The following ATAD2B variants were observed in gnomAD, a reference collection of about 807,000 sequenced individuals.
The protein encoded by ATAD2B is ATPase family AAA domain-containing protein 2B.
ATAD2B carries 40 observed loss-of-function variants against 167.6 expected under a neutral mutation model. The observed-to-expected ratio is 0.24, with a 90% confidence interval of 0.19 to 0.31. The LOEUF (loss-of-function observed/expected upper bound fraction) is 0.31, where lower values mean the gene tolerates loss of function less well. Among genes scored for constraint, ATAD2B ranks in the 10% least tolerant of loss-of-function variants. The pLI, the probability that ATAD2B is intolerant of heterozygous loss-of-function variation, is 1.00. For synonymous variants in ATAD2B, 579 were observed against 596.5 expected (o/e 0.97, Z 0.43); for missense variants, 1,242 against 1,757.2 (o/e 0.71, Z 5.24).
chr2:23,722,360 TTCA>T, the ATAD2B span, among the ~76,000 whole-genome samples: 1 of 152,076 alleles, frequency 6.6e-6, no homozygotes, highest in South Asian at 2.1e-4. Flanking sequence ...AGAAAAACAA[TTCA>T]TTATTTGCAT....
At chr2:23,894,103 C>T (rs755457018) in intron 2 of ATAD2B, among the ~76,000 whole-genome samples, 1 of 152,198 alleles carries the variant, frequency 6.6e-6, no homozygotes, top group African/African-American at 2.4e-5. Flanking sequence ...TCTCACTCTA[C>T]GGTACCTAAA....
At chr2:23,738,241 T>C in the ATAD2B span, among the ~76,000 whole-genome samples, 1 of 152,146 alleles carries the variant, frequency 6.6e-6, no homozygotes, top group Non-Finnish European at 1.5e-5. Flanking sequence ...CCAAGACACA[T>C]AATTGTCAGA....
chr2:23,688,273 G>A, the ATAD2B span, among the ~76,000 whole-genome samples: 4 of 152,192 alleles, frequency 2.6e-5, no homozygotes, highest in South Asian at 2.1e-4. Context: ...ACGCCCAGGC[G>A]TTCATTCATG....
chr2:23,731,149 C>A, the ATAD2B span, among the ~76,000 whole-genome samples: 1 of 152,090 alleles, frequency 6.6e-6, no homozygotes, highest in Non-Finnish European at 1.5e-5. Context: ...ATATTTAAAT[C>A]TATGAATTCA....
intron 1 of ATAD2B, among the ~76,000 whole-genome samples, chr2:23,904,416 T>C (rs1701220545): frequency 6.6e-6 from 1 of 151,998 alleles, no homozygotes; most frequent in Non-Finnish European, 1.5e-5. Context: ...TGGAAAACAC[T>C]AGGTGAATAA....
At position 23,865,208 on chromosome 2, in the gene ATAD2B, C is replaced by T. The variant is rs113623379; in HGVS notation, c.1189-284G>A. ...ATCTATAGGAGATTTTTATATTATACTAACATATATAATTTTTATATTATA... is the reference window on the plus strand; with the variant it reads ...ATCTATAGGAGATTTTTATATTATATTAACATATATAATTTTTATATTATA... On this transcript the variant is annotated intron_variant, in intron 10 of 27. Transcript: ENST00000238789. 6.8e-3 allele frequency among the ~76,000 whole-genome samples: 1,031 copies of T among 152,050 alleles called. 14 individuals are homozygous for T. The highest frequency in any genetic ancestry group is 0.022 in the African/African-American group (922 of 41,504).
the ATAD2B span, among the ~76,000 whole-genome samples, chr2:23,726,064 G>A: frequency 6.6e-6 from 1 of 152,112 alleles, no homozygotes; most frequent in Non-Finnish European, 1.5e-5. Context: ...CCACTTCTGG[G>A]ATATACACAC....
chr2:23,817,937 T>C (rs1238794410), intron 17 of ATAD2B, among the ~76,000 whole-genome samples: 2 of 152,166 alleles, frequency 1.3e-5, no homozygotes, highest in Non-Finnish European at 2.9e-5. Flanking sequence ...TACATGATAC[T>C]TTCTAATATC....
At chr2:23,866,818 T>C (rs1489358858) in intron 10 of ATAD2B, among the ~76,000 whole-genome samples, 1 of 152,234 alleles carries the variant, frequency 6.6e-6, no homozygotes, top group Admixed American at 6.5e-5. Context: ...TTAAATTATG[T>C]TGTATAGAGA....
chr2:23,808,423 A>T (rs1411174323), intron 18 of ATAD2B, among the ~76,000 whole-genome samples: 1 of 151,616 alleles, frequency 6.6e-6, no homozygotes, highest in African/African-American at 2.4e-5. Flanking sequence ...TCATATATTC[A>T]ACTGTCCCCC....
At position 23,751,437 on chromosome 2, in the gene ATAD2B, G is replaced by C. The variant is rs1039097090; in HGVS notation, c.*609C>G. ...ATTTCTAATTTATTTGCTTCAAACAGCCCATCCTTTTAGCCTTATCTTCCT... is the reference window on the plus strand; with the variant it reads ...ATTTCTAATTTATTTGCTTCAAACACCCCATCCTTTTAGCCTTATCTTCCT... On this transcript the variant is annotated 3_prime_UTR_variant, in exon 28 of 28. Coordinates refer to ENST00000238789, the MANE Select transcript of ATAD2B (RefSeq NM_017552.4). 1.3e-5 allele frequency: 2 copies of C among 152,054 alleles called. No individual in the cohort carries two copies. The highest frequency in any genetic ancestry group is 2.9e-5 in the Non-Finnish European group (2 of 67,994). 9.4% of individuals were successfully genotyped at this position (152,054 alleles called of 1,614,324 possible).
the ATAD2B span, among the ~76,000 whole-genome samples, chr2:23,713,385 G>A: frequency 7.1e-6 from 1 of 140,812 alleles, no homozygotes; most frequent in Non-Finnish European, 1.5e-5. Flanking sequence ...TGTTGCTATA[G>A]CCCCTTTTTT....
chr2:23,685,848 G>A, the ATAD2B span, among the ~76,000 whole-genome samples: 5 of 152,166 alleles, frequency 3.3e-5, no homozygotes, highest in African/African-American at 4.8e-5. Context: ...GGCCCGCATC[G>A]GGCTGCCGGA....
At chr2:23,786,540 G>A (rs186910400) in intron 20 of ATAD2B, among the ~76,000 whole-genome samples, 195 of 152,090 alleles carry the variant, frequency 1.3e-3, no homozygotes, top group Non-Finnish European at 3.2e-4. Flanking sequence ...TAGCACAGTC[G>A]TATTTCTGTA....
intron 18 of ATAD2B, 98 bp from the exon 19 acceptor site, chr2:23,798,421 T>A (rs941519001): frequency 5.4e-6 from 5 of 927,334 alleles, no homozygotes; most frequent in Non-Finnish European, 6.2e-6. Flanking sequence ...AGGCCTATTA[T>A]GGTCATTAGT....
chr2:23,875,043 G>A lies in ATAD2B; in HGVS notation c.977+786C>T, dbSNP rs559045004. 2.4e-4 allele frequency among the ~76,000 whole-genome samples: 27 copies of A among 111,756 alleles called. No homozygotes were observed. In the South Asian group the frequency reaches 4.1e-3, roughly 17 times the overall value. 73.3% of individuals were successfully genotyped at this position (111,756 alleles called of 152,430 possible). ...TGCACTCCAGCCTGGGTGACAGAGCGAGATTCCATCTCAAAAAAAAAAAAA... is the reference window on the plus strand; with the variant it reads ...TGCACTCCAGCCTGGGTGACAGAGCAAGATTCCATCTCAAAAAAAAAAAAA... On this transcript the variant is annotated intron_variant, in intron 8 of 27. Transcript: ENST00000238789.
intron 16 of ATAD2B, among the ~76,000 whole-genome samples, chr2:23,822,785 G>A (rs1687650243): frequency 6.6e-6 from 1 of 151,850 alleles, no homozygotes; most frequent in Non-Finnish European, 1.5e-5. Context: ...GGGCGTGGTG[G>A]CAGGTGCCTG....
chr2:23,682,115 C>G, the ATAD2B span, among the ~76,000 whole-genome samples: 1 of 152,188 alleles, frequency 6.6e-6, no homozygotes, highest in Non-Finnish European at 1.5e-5. The surrounding 1 kb of genome is among the most constrained non-coding windows in gnomAD (Gnocchi z 4.1). Flanking sequence ...CATGCCTCCC[C>G]CTCCCCACTT....
Position 23,823,409 on chromosome 2 carries a change from G to T in ATAD2B, c.1980C>A (p.Ile660=), listed in dbSNP as rs375673963. 36 of 1,613,834 alleles carry T rather than the reference G, an allele frequency of 2.2e-5. No individual in the cohort carries two copies. The highest frequency in any genetic ancestry group is 3.3e-5 in the Admixed American group (2 of 59,998). ...TCACAGCACGTTGGGAAGCAGGCACGATATTCTGCATTGCATGGTAAAAAT... is the reference window on the plus strand; with the variant it reads ...TCACAGCACGTTGGGAAGCAGGCACTATATTCTGCATTGCATGGTAAAAAT... ...AQDFYHAMQN[I]VPASQRAVMS... The change falls in exon 16 of 28, where the codon ATC becomes ATA. Residue 660 remains isoleucine, a synonymous_variant. Coordinates refer to ENST00000238789, the MANE Select transcript of ATAD2B (RefSeq NM_017552.4).
Sources: gnomAD v4.1 joint callset for allele counts (sites outside exome capture counted in the v4.1 genomes callset) on GRCh38, gnomAD v4.1.1 for gene constraint, Gnocchi (gnomAD v3.1) non-coding constraint, MANE v1.5 for transcripts, NCBI Gene and HGNC (gene_info 2026-07-23, HGNC 2026-07-21) for gene names.